Variants in DDN observed in about 807,000 individuals in gnomAD.
DDN encodes dendrin.
Under a neutral mutation model 7.3 loss-of-function variants are expected in DDN, and 4 were observed. The observed-to-expected ratio is 0.55, with a 90% CI of 0.27 to 1.25. The LOEUF is 1.25. Among genes scored for constraint, DDN ranks in the 50% most tolerant of loss-of-function variants. The pLI is 0.12. For synonymous variants in DDN, 425 were observed against 424.3 expected, an observed-to-expected ratio of 1.00 and a Z score of -0.02; for missense variants, 933 against 974.7, an observed-to-expected ratio of 0.96 and a Z score of 0.57.
Position 48,996,580 on chromosome 12 carries a change from G to A in DDN, c.*160C>T. 1 of 1,212,876 alleles carries A rather than the reference G, an allele frequency of 8.2e-7. No individual in the cohort carries two copies. The highest frequency in any genetic ancestry group is 1.1e-6 in the Non-Finnish European group (1 of 897,352). 75.1% of individuals were successfully genotyped at this position (1,212,876 alleles called of 1,614,324 possible). On this transcript the variant is annotated 3_prime_UTR_variant, in exon 2 of 2. Coordinates refer to ENST00000421952, the MANE Select transcript of DDN (RefSeq NM_015086.2). Reference sequence around the variant, plus strand: ...CCTCTCCTGAAACAAAATCATTAATGGGCATATGCTTCCCTTCCTTTCATT... The same window carrying A: ...CCTCTCCTGAAACAAAATCATTAATAGGCATATGCTTCCCTTCCTTTCATT...
At position 48,999,309 on chromosome 12, in the gene DDN, C is replaced by T; in HGVS notation, c.-22G>A. On this transcript the variant is annotated 5_prime_UTR_variant, in exon 1 of 2. Transcript: ENST00000421952. ...GCATCCTGCCCCACCCCACCCCGGC[C>T]CCCCACCCTCCCACCCGCCCCAGGA... is the stretch of plus-strand genomic sequence containing the variant. 6.6e-7 allele frequency: 1 copy of T among 1,508,148 alleles called. No individual in the cohort carries two copies. The allele number at this position is 1,508,148 out of a possible 1,614,324, so 93.4% of individuals were successfully genotyped here. A position where few individuals can be genotyped will look rare whatever the true frequency, so the allele number is the denominator to read the frequency against.
Position 48,997,000 on chromosome 12 carries a change from A to C in DDN, c.1876T>G (p.Ser626Ala), listed in dbSNP as rs1390204249. ...SRIRRHTAPD[S>A]DTDEAEELSV... The stretch of plus-strand genomic sequence containing the variant: ...AGCTCCTCAGCTTCGTCCGTGTCCG[A>C]GTCAGGGGCTGTGTGGCGGCGGATA... The change falls in exon 2 of 2, where the codon TCG becomes GCG. Residue 626 changes from serine (S) to alanine (A), a missense_variant. Physicochemically the swap from Ser to Ala is moderately conservative, Grantham distance 99. Coordinates refer to ENST00000421952, the MANE Select transcript of DDN (RefSeq NM_015086.2). 1 of 1,569,300 alleles carries C rather than the reference A, an allele frequency of 6.4e-7. No homozygotes were observed. The highest frequency in any genetic ancestry group is 1.4e-5 in the African/African-American group (1 of 73,806).
In DDN at chr12:48,998,291, A is replaced by C; in HGVS notation, c.585T>G (p.Gly195=). 6.3e-7 allele frequency: 1 copy of C among 1,597,948 alleles called. No individual in the cohort carries two copies. The highest frequency in any genetic ancestry group is 8.5e-7 in the Non-Finnish European group (1 of 1,174,176). ...CGTAGCTTGGGGGCCCGGGCCGCCG[A>C]CCTCCCCAGGGCCCCGCCCACGCCG... The part of the protein sequence containing the change: ...PGSAWAGPWG[G]RRPGPPSYEA... Residue 195 remains glycine, a synonymous_variant, in exon 2 of 2, where the codon GGT becomes GGG. Coordinates refer to ENST00000421952, the MANE Select transcript of DDN (RefSeq NM_015086.2).
At position 48,996,552 on chromosome 12, in the gene DDN, T is replaced by G; in HGVS notation, c.*188A>C. The G allele has an allele frequency of 9.8e-7, 1 of 1,022,586 alleles. No individual in the cohort carries two copies. The highest frequency in any genetic ancestry group is 1.4e-6 in the Non-Finnish European group (1 of 727,210). The allele number at this position is 1,022,586 out of a possible 1,614,324, so 63.3% of individuals were successfully genotyped here. ...AGACATTAATTAAATCTGCTCATTC[T>G]CACCTCTCCTGAAACAAAATCATTA... On this transcript the variant is annotated 3_prime_UTR_variant, in exon 2 of 2. Coordinates refer to ENST00000421952, the MANE Select transcript of DDN (RefSeq NM_015086.2).
intron 1 of DDN, 46 bp downstream of exon 1, chr12:48,999,033 A>G: frequency 1.3e-6 from 2 of 1,595,648 alleles, no homozygotes; most frequent in Non-Finnish European, 1.7e-6. Flanking sequence ...TCCGGACCCC[A>G]CTCCCCGCCC....
Position 48,996,540 on chromosome 12 carries a change from A to T in DDN, c.*200T>A. On this transcript the variant is annotated 3_prime_UTR_variant, in exon 2 of 2. Coordinates refer to ENST00000421952, the MANE Select transcript of DDN (RefSeq NM_015086.2). ...CCTGAACATAACAGACATTAATTAA[A>T]TCTGCTCATTCTCACCTCTCCTGAA... The T allele has an allele frequency of 1.1e-6, 1 of 884,434 alleles. No individual in the cohort carries two copies. The highest frequency in any genetic ancestry group is 1.7e-6 in the Non-Finnish European group (1 of 603,566). 54.8% of individuals were successfully genotyped at this position (884,434 alleles called of 1,614,324 possible). A position where few individuals can be genotyped will look rare whatever the true frequency, so the allele number is the denominator to read the frequency against.
At position 48,997,082 on chromosome 12, in the gene DDN, C is replaced by G; in HGVS notation, c.1794G>C (p.Arg598=). Residue 598 remains arginine, a synonymous_variant, in exon 2 of 2, where the codon CGG becomes CGC. Transcript: ENST00000421952. ...EVAVVQRRAG[R]GWARTPGPYA... ...AGGGCCCTGGGGTCCGCGCCCAGCC[C>G]CGGCCGGCGCGCCGCTGGACCACCG... The G allele has an allele frequency of 1.3e-6, 2 of 1,523,444 alleles. No homozygotes were observed. Among genetic ancestry groups the G allele is most frequent in the Non-Finnish European group, 1.7e-6 (2 of 1,143,984 alleles). 94.4% of individuals were successfully genotyped at this position (1,523,444 alleles called of 1,614,324 possible). A position where few individuals can be genotyped will look rare whatever the true frequency, so the allele number is the denominator to read the frequency against.
Position 48,997,412 on chromosome 12 carries a change from A to C in DDN, c.1464T>G (p.Asp488Glu), listed in dbSNP as rs775196621. The change falls in exon 2 of 2, where the codon GAT (aspartate) becomes GAG (glutamate). Residue 488 changes from aspartate (D) to glutamate (E), a missense_variant. Transcript: ENST00000421952. ...TGCCGGGCTTCGATTGGCTGGGGGA[A>C]TCCCCCACCACGCGTGTCACCCCAG... ...LPSGVTRVVG[D>E]SPSQSKPGKE... is the part of the protein sequence containing the mutation. 1.5e-5 allele frequency: 24 copies of C among 1,613,652 alleles called. No homozygotes were observed. The highest frequency in any genetic ancestry group is 1.7e-5 in the Non-Finnish European group (20 of 1,179,932).
Position 48,998,500 on chromosome 12 carries a change from C to G in DDN, c.376G>C (p.Glu126Gln). The change falls in exon 2 of 2, where the codon GAG (glutamate) becomes CAG (glutamine). Residue 126 changes from glutamate (E) to glutamine (Q), a missense_variant. Physicochemically the swap from Glu to Gln is conservative, Grantham distance 29 (BLOSUM62 2). Transcript: ENST00000421952. ...ASQEREAKET[E>Q]RKRRKAGGAR... ...CCACCAGCCTTGCGCCTTTTTCGCT[C>G]GGTCTCCTTGGCCTCCCGCTCCTGC... The G allele has an allele frequency of 6.3e-7, 1 of 1,587,146 alleles. No homozygotes were observed. The highest frequency in any genetic ancestry group is 1.1e-5 in the South Asian group (1 of 89,426).
At position 48,996,322 on chromosome 12, in the gene DDN, C is replaced by G. The variant is rs994082202; in HGVS notation, c.*418G>C. 6.1e-6 allele frequency: 1 copy of G among 163,618 alleles called. No homozygotes were observed. Among genetic ancestry groups the G allele is most frequent in the African/African-American group, 2.4e-5 (1 of 41,708 alleles). The allele number at this position is 163,618 out of a possible 1,614,324, so 10.1% of individuals were successfully genotyped here. Reference sequence around the variant, plus strand: ...CCTATGCCTCTTCTCCCAAGAACCCCTCTGTCATCTGATCACTCTGTCACC... The same window carrying G: ...CCTATGCCTCTTCTCCCAAGAACCCGTCTGTCATCTGATCACTCTGTCACC... On this transcript the variant is annotated 3_prime_UTR_variant, in exon 2 of 2. Coordinates refer to ENST00000421952, the MANE Select transcript of DDN (RefSeq NM_015086.2).
chr12:48,997,303 C>T lies in DDN; in HGVS notation c.1573G>A (p.Gly525Arg), dbSNP rs757274413. ...SSSRLLHQPG[G>R]GRGGEAEGGR... ...CCCTCAGCTTCGCCCCCGCGGCCCC[C>T]GCCGGGCTGGTGTAAAAGGCGACTG... Residue 525 changes from glycine (G) to arginine (R), a missense_variant, in exon 2 of 2, where the codon GGG (glycine) becomes AGG (arginine). Gly to Arg is a moderately radical substitution (Grantham distance 125). Coordinates refer to ENST00000421952, the MANE Select transcript of DDN (RefSeq NM_015086.2). The T allele has an allele frequency of 5.6e-6, 9 of 1,609,292 alleles. No individual in the cohort carries two copies. The African/African-American group carries it at 6.7e-5, about 12-fold the overall frequency.
Position 48,996,625 on chromosome 12 carries a change from C to G in DDN, c.*115G>C. On this transcript the variant is annotated 3_prime_UTR_variant, in exon 2 of 2. Transcript: ENST00000421952. ...TTCATTTATATTTCAAGGATGAGAA[C>G]AGGTATGGGTAAAGATACAAGGAAA... The G allele has an allele frequency of 6.9e-7, 1 of 1,440,130 alleles. No individual in the cohort carries two copies. The highest frequency in any genetic ancestry group is 9.2e-7 in the Non-Finnish European group (1 of 1,085,618). 89.2% of individuals were successfully genotyped at this position (1,440,130 alleles called of 1,614,324 possible).
Position 48,997,243 on chromosome 12 carries a change from T to C in DDN, c.1633A>G (p.Thr545Ala). 2 of 1,598,328 alleles carry C rather than the reference T, an allele frequency of 1.3e-6. No homozygotes were observed. Among genetic ancestry groups the C allele is most frequent in the Admixed American group, 1.7e-5 (1 of 57,684 alleles). Reference protein sequence around the residue: ...RPGDSTLEERTFRILGLPAPE... With the variant: ...RPGDSTLEERAFRILGLPAPE... Reference sequence around the variant, plus strand: ...GCCGGGAGCCCCAAGATGCGGAAAGTGCGCTCCTCCAGTGTGGAGTCCCCC... The same window carrying C: ...GCCGGGAGCCCCAAGATGCGGAAAGCGCGCTCCTCCAGTGTGGAGTCCCCC... Residue 545 changes from threonine to alanine, a missense_variant, in exon 2 of 2, where the codon ACT becomes GCT. Transcript: ENST00000421952.
chr12:48,996,867 T>A lies in DDN; in HGVS notation c.2009A>T (p.Asp670Val). ...GTCGCTCAGTTCCGCTGTCTTCCCA[T>A]CTTCCTCTGGCGAACTGTTTCCAAC... Reference protein sequence around the residue: ...PEVGNSSPEEDGKTAELSDSV... With the variant: ...PEVGNSSPEEVGKTAELSDSV... Residue 670 changes from aspartate (D) to valine (V), a missense_variant, in exon 2 of 2, where the codon GAT becomes GTT. Physicochemically the swap from Asp to Val is radical, Grantham distance 152. Coordinates refer to ENST00000421952, the MANE Select transcript of DDN (RefSeq NM_015086.2). The A allele has an allele frequency of 1.2e-6, 2 of 1,614,206 alleles. No homozygotes were observed. The highest frequency in any genetic ancestry group is 1.1e-5 in the South Asian group (1 of 91,088).
chr12:48,999,276 G>T lies in DDN; in HGVS notation c.12C>A (p.Gly4=). 6.5e-7 allele frequency: 1 copy of T among 1,550,016 alleles called. No homozygotes were observed. Among genetic ancestry groups the T allele is most frequent in the African/African-American group, 1.4e-5 (1 of 73,014 alleles). Reference sequence around the variant, plus strand: ...TGTCAGGCCCCTCGGAGAACAGTGGGCCATCCAGCATCCTGCCCCACCCCA... The same window carrying T: ...TGTCAGGCCCCTCGGAGAACAGTGGTCCATCCAGCATCCTGCCCCACCCCA... MLD[G]PLFSEGPDSP... is the part of the protein sequence containing the mutation. Residue 4 remains glycine, a synonymous_variant, in exon 1 of 2, where the codon GGC becomes GGA. Coordinates refer to ENST00000421952, the MANE Select transcript of DDN (RefSeq NM_015086.2).
In DDN at chr12:48,997,420, C is replaced by T. The variant is rs773991134; in HGVS notation, c.1456G>A (p.Val486Met). The T allele has an allele frequency of 3.1e-6, 5 of 1,613,886 alleles. No homozygotes were observed. In the South Asian group the frequency reaches 3.3e-5, roughly 11 times the overall value. ...QLLPSGVTRV[V>M]GDSPSQSKPG... The stretch of plus-strand genomic sequence containing the variant: ...TTCGATTGGCTGGGGGAATCCCCCA[C>T]CACGCGTGTCACCCCAGAGGGCAAA... Residue 486 changes from valine to methionine, a missense_variant, in exon 2 of 2, where the codon GTG becomes ATG. Physicochemically the swap from Val to Met is conservative, Grantham distance 21 (BLOSUM62 1). Transcript: ENST00000421952.
chr12:48,998,899 A>T (rs1941258540), intron 1 of DDN, among the ~76,000 whole-genome samples, 180 bp downstream of exon 1: 1 of 152,026 alleles, frequency 6.6e-6, no homozygotes, highest in African/African-American at 2.4e-5. Context: ...GCCCTTTCTC[A>T]CACCCACTTC....
In DDN at chr12:48,997,095, C is replaced by G. The variant is rs769939532; in HGVS notation, c.1781G>C (p.Arg594Pro). ...CCGCGCCCAGCCCCGGCCGGCGCGC[C>G]GCTGGACCACCGCCACTTCCGACCC... ...AEGSEVAVVQ[R>P]RAGRGWARTP... Residue 594 changes from arginine (R) to proline (P), a missense_variant, in exon 2 of 2, where the codon CGG (arginine) becomes CCG (proline). Arg to Pro is a moderately radical substitution (Grantham distance 103). Transcript: ENST00000421952. 17 of 1,523,656 alleles carry G rather than the reference C, an allele frequency of 1.1e-5. No individual in the cohort carries two copies. Among genetic ancestry groups the G allele is most frequent in the South Asian group, 1.1e-4 (8 of 75,820 alleles). The allele number at this position is 1,523,656 out of a possible 1,614,324, so 94.4% of individuals were successfully genotyped here.
In DDN at chr12:48,999,278, C is replaced by T; in HGVS notation, c.10G>A (p.Gly4Ser). 6.5e-7 allele frequency: 1 copy of T among 1,548,878 alleles called. No homozygotes were observed. The highest frequency in any genetic ancestry group is 8.7e-7 in the Non-Finnish European group (1 of 1,146,388). MLD[G>S]PLFSEGPDSP... ...TCAGGCCCCTCGGAGAACAGTGGGC[C>T]ATCCAGCATCCTGCCCCACCCCACC... Residue 4 changes from glycine (G) to serine (S), a missense_variant, in exon 1 of 2, where the codon GGC becomes AGC. Transcript: ENST00000421952.
Sources: allele counts gnomAD v4.1 joint callset (sites outside exome capture counted in the v4.1 genomes callset), GRCh38; gene constraint gnomAD v4.1.1; transcripts MANE v1.5; gene names NCBI Gene and HGNC (gene_info 2026-07-23, HGNC 2026-07-21).